The following CHFR variants were observed in gnomAD, a reference collection of about 807,000 sequenced individuals.
CHFR encodes E3 ubiquitin-protein ligase CHFR.
Under a neutral mutation model 87.6 loss-of-function variants are expected in CHFR, and 57 were observed. The observed-to-expected ratio is 0.65, with a 90% CI of 0.53 to 0.81. The LOEUF is 0.81. Among genes scored for constraint, CHFR ranks in the 30% least tolerant of loss-of-function variants. CHFR has a pLI of 0.00. For synonymous variants in CHFR, 381 were observed against 359.2 expected, an observed-to-expected ratio of 1.06 and a Z score of -0.69; for missense variants, 797 against 865.8, an observed-to-expected ratio of 0.92 and a Z score of 1.00.
rs770703042 is a variant in CHFR at position 132,861,455 on chromosome 12, C to G, written c.751+12G>C. 6.2e-7 allele frequency: 1 copy of G among 1,613,558 alleles called. No individual in the cohort carries two copies. The highest frequency in any genetic ancestry group is 8.5e-7 in the Non-Finnish European group (1 of 1,179,530). On this transcript the variant is annotated intron_variant, in intron 7 of 17. Transcript: ENST00000450056. Reference sequence around the variant, plus strand: ...ACGAGAGGACTGAGGACACACACAACCAGACACTAACCTCCTCTCATTTTC... The same window carrying G: ...ACGAGAGGACTGAGGACACACACAAGCAGACACTAACCTCCTCTCATTTTC...
rs1335016856 is a variant in CHFR, at chr12:132,848,711, C to G, written c.1506G>C (p.Leu502=). The G allele has an allele frequency of 3.2e-6, 5 of 1,586,094 alleles. No individual in the cohort carries two copies. Among genetic ancestry groups the G allele is most frequent in the Admixed American group, 3.6e-5 (2 of 56,042 alleles). Residue 502 remains leucine (L), a synonymous_variant, in exon 13 of 18, where the codon CTG becomes CTC. Coordinates refer to ENST00000450056, the MANE Select transcript of CHFR (RefSeq NM_001161346.2). Reference sequence around the variant, plus strand: ...CCCAGTACAGGTGGCAGAAAGGCTGCAGGCAGACCGCACCTGTGGAGAGAG... The same window carrying G: ...CCCAGTACAGGTGGCAGAAAGGCTGGAGGCAGACCGCACCTGTGGAGAGAG... ...RVAPQQCAVC[L]QPFCHLYWGC...
chr12:132,856,337 T>C, intron 10 of CHFR, 131 bp downstream of exon 10: 1 of 954,106 alleles, frequency 1.0e-6, no homozygotes, highest in Non-Finnish European at 1.6e-6. Context: ...TCAAGCCATT[T>C]AAGAGCTTGG....
At chr12:132,873,280 C>G (rs1332196867) in intron 3 of CHFR, among the ~76,000 whole-genome samples, 1 of 152,102 alleles carries the variant, frequency 6.6e-6, no homozygotes, top group Non-Finnish European at 1.5e-5. Flanking sequence ...GTCACCATTG[C>G]CACTACTCAG....
chr12:132,852,838 T>C (rs1156679563), intron 11 of CHFR, among the ~76,000 whole-genome samples: 1 of 152,120 alleles, frequency 6.6e-6, no homozygotes, highest in African/African-American at 2.4e-5. Context: ...CCCCCACCCG[T>C]GGCCAGGAAG....
intron 2 of CHFR, among the ~76,000 whole-genome samples, chr12:132,878,530 T>C (rs556112941): frequency 6.7e-6 from 1 of 149,444 alleles, no homozygotes; most frequent in East Asian, 2.0e-4. Flanking sequence ...ACCTGATGAG[T>C]ATTATTAGAA....
chr12:132,843,979 G>A lies in CHFR; in HGVS notation c.1843+48C>T, dbSNP rs369258242. The A allele has an allele frequency of 1.9e-5, 24 of 1,253,894 alleles. No homozygotes were observed. The African/African-American group carries it at 3.4e-4, about 18-fold the overall frequency. The allele number at this position is 1,253,894 out of a possible 1,614,324, so 77.7% of individuals were successfully genotyped here. On this transcript the variant is annotated intron_variant, in intron 16 of 17. Coordinates refer to ENST00000450056, the MANE Select transcript of CHFR (RefSeq NM_001161346.2). Reference sequence around the variant, plus strand: ...AAAAAAGAGAGGCAGAAGCCAAGAAGCCAACCCAGACAGAACTAGAGCCAT... The same window carrying A: ...AAAAAAGAGAGGCAGAAGCCAAGAAACCAACCCAGACAGAACTAGAGCCAT...
chr12:132,845,469 T>A (rs10781657), intron 15 of CHFR, among the ~76,000 whole-genome samples: 141,380 of 150,336 alleles, frequency 0.94, 67,053 homozygotes, highest in East Asian at 1. Flanking sequence ...AAAAAAAAAA[T>A]AAATAAATAA....
intron 6 of CHFR, among the ~76,000 whole-genome samples, chr12:132,865,450 CCTCAGGTGATCCTCCTCT>C (rs935312840): frequency 2.0e-5 from 3 of 151,414 alleles, no homozygotes; most frequent in African/African-American, 7.3e-5. Flanking sequence ...CGCCTCCCAG[CCTCAGGTGATCCTCCTCT>C]CTCAGGTGAA....
At chr12:132,877,503 G>C in intron 3 of CHFR, 52 bp downstream of exon 3, 1 of 1,277,660 alleles carries the variant, frequency 7.8e-7, no homozygotes, top group Non-Finnish European at 1.1e-6. Flanking sequence ...CACGAAGTCA[G>C]GCTTCTTAAG....
Position 132,841,297 on chromosome 12 carries a change from TTCGTCTCTGCTGCTGATGCCA to T in CHFR, c.*236_*256del. On this transcript the variant is annotated 3_prime_UTR_variant, in exon 18 of 18. Transcript: ENST00000450056. ...GGACGGCCGCATGTTACAGAAAGGC[TTCGTCTCTGCTGCTGATGCCA>T]CCACGAGCCCTGCCCAGCGCTCACC... 2.4e-6 allele frequency: 1 copy of T among 417,642 alleles called. No individual in the cohort carries two copies. Among genetic ancestry groups the T allele is most frequent in the Non-Finnish European group, 4.3e-6 (1 of 234,846 alleles). 25.9% of individuals were successfully genotyped at this position (417,642 alleles called of 1,614,324 possible). A position where few individuals can be genotyped will look rare whatever the true frequency, so the allele number is the denominator to read the frequency against.
Position 132,853,497 on chromosome 12 carries a change from C to G in CHFR, c.1306G>C (p.Glu436Gln). The change falls in exon 11 of 18, where the codon GAG becomes CAG. Residue 436 changes from glutamate (E) to glutamine (Q), a missense_variant. Glu to Gln is a conservative substitution (Grantham distance 29). Coordinates refer to ENST00000450056, the MANE Select transcript of CHFR (RefSeq NM_001161346.2). ...GCCTGTGGGGCTCCTGGCTCGCCCTCGGGTGCTGGGCAGTGGGGAGGCTGC... is the reference window on the plus strand; with the variant it reads ...GCCTGTGGGGCTCCTGGCTCGCCCTGGGGTGCTGGGCAGTGGGGAGGCTGC... Reference protein sequence around the residue: ...AAQPPHCPAPEGEPGAPQALG... With the variant: ...AAQPPHCPAPQGEPGAPQALG... The G allele has an allele frequency of 1.3e-6, 2 of 1,535,008 alleles. No individual in the cohort carries two copies. Among genetic ancestry groups the G allele is most frequent in the Non-Finnish European group, 1.7e-6 (2 of 1,146,372 alleles).
At chr12:132,855,242 G>GAA (rs35090182) in intron 10 of CHFR, among the ~76,000 whole-genome samples, 1 of 126,292 alleles carries the variant, frequency 7.9e-6, no homozygotes, top group Middle Eastern at 3.9e-3. Flanking sequence ...ACTTTGTCTC[G>GAA]AAAAAAAAAA....
rs760933260 is a variant in CHFR at position 132,857,528 on chromosome 12, C to A, written c.943G>T (p.Ala315Ser). ...LQPCMHTFCA[A>S]CYSGWMERSS... Reference sequence around the variant, plus strand: ...CGCTCCATCCAGCCCGAGTAGCAAGCCGCGCAGAACGTGTGCATGCAGGGC... The same window carrying A: ...CGCTCCATCCAGCCCGAGTAGCAAGACGCGCAGAACGTGTGCATGCAGGGC... Residue 315 changes from alanine to serine, a missense_variant, in exon 9 of 18, where the codon GCT becomes TCT. Transcript: ENST00000450056. 2.6e-5 allele frequency: 42 copies of A among 1,614,000 alleles called. No individual in the cohort carries two copies. The highest frequency in any genetic ancestry group is 3.5e-5 in the Non-Finnish European group (41 of 1,180,000).
chr12:132,884,605 T>G (rs560061557), intron 2 of CHFR, among the ~76,000 whole-genome samples: 2 of 152,208 alleles, frequency 1.3e-5, no homozygotes, highest in South Asian at 4.1e-4. Flanking sequence ...ATGAGGTCAC[T>G]AGGTGGGAAT....
intron 6 of CHFR, among the ~76,000 whole-genome samples, chr12:132,864,176 GA>G (rs11376353): frequency 3.6e-4 from 51 of 143,622 alleles, no homozygotes; most frequent in Admixed American, 7.6e-4. Flanking sequence ...GTTATTATTT[GA>G]AAAAAAAAAA....
intron 15 of CHFR, 95 bp from the exon 16 acceptor site, chr12:132,844,229 A>C: frequency 1.3e-6 from 1 of 755,980 alleles, no homozygotes. Context: ...CTGACCATAA[A>C]TGGGGTGAAG....
chr12:132,846,930 T>C (rs1950843196), intron 15 of CHFR, 113 bp downstream of exon 15: 1 of 748,720 alleles, frequency 1.3e-6, no homozygotes, highest in East Asian at 2.5e-5. Flanking sequence ...AGGATCTTTT[T>C]CCTCTCTTCC....
intron 12 of CHFR, 102 bp downstream of exon 12, chr12:132,851,515 GC>G: frequency 7.7e-7 from 1 of 1,295,750 alleles, no homozygotes; most frequent in Non-Finnish European, 1.0e-6. Context: ...AAAAGAAACG[GC>G]ATCCTTACTT....
chr12:132,856,057 T>C (rs1951062153), intron 10 of CHFR, among the ~76,000 whole-genome samples: 1 of 152,214 alleles, frequency 6.6e-6, no homozygotes, highest in African/African-American at 2.4e-5. Flanking sequence ...TATAGGACTT[T>C]ATAGTCGCTA....
Sources: allele counts gnomAD v4.1 joint callset (sites outside exome capture counted in the v4.1 genomes callset), GRCh38; gene constraint gnomAD v4.1.1; transcripts MANE v1.5; gene names NCBI Gene and HGNC (gene_info 2026-07-23, HGNC 2026-07-21).